PSORS1C1: variants seen among roughly 807,000 people sequenced by gnomAD.
PSORS1C1 encodes psoriasis susceptibility 1 candidate 1.
PSORS1C1 carries 7 observed loss-of-function variants against 9.4 expected under a neutral mutation model. The ratio of observed to expected loss-of-function variants is 0.75; its 90% CI spans 0.42 to 1.40. The LOEUF (loss-of-function observed/expected upper bound fraction) is 1.40, where lower values mean the gene tolerates loss of function less well. Ranked by LOEUF, PSORS1C1 falls within the 40% of genes most tolerant of loss-of-function variation. PSORS1C1 has a pLI of 0.01. For synonymous variants in PSORS1C1, 63 were observed against 69.4 expected (o/e 0.91, Z 0.46); for missense variants, 146 against 178.1 (o/e 0.82, Z 1.02).
chr6:31,136,488 A>G (rs1773143373), intron 3 of PSORS1C1, among the ~76,000 whole-genome samples: 1 of 151,940 alleles, frequency 6.6e-6, no homozygotes, highest in South Asian at 2.1e-4. Flanking sequence ...TGGGAAGGGC[A>G]CTCTGGTCAG....
chr6:31,139,729 G>C lies in PSORS1C1; in HGVS notation c.256G>C (p.Asp86His). 2 of 1,613,082 alleles carry C rather than the reference G, an allele frequency of 1.2e-6. No individual in the cohort carries two copies. Among genetic ancestry groups the C allele is most frequent in the African/African-American group, 2.7e-5 (2 of 75,038 alleles). Residue 86 changes from aspartate (D) to histidine (H), a missense_variant, in exon 6 of 6, where the codon GAT (aspartate) becomes CAT (histidine). Coordinates refer to ENST00000259881, the MANE Select transcript of PSORS1C1 (RefSeq NM_014068.3). The surrounding 1 kb of genome is among the most constrained non-coding windows in gnomAD (Gnocchi z 5.2). ...CTGCAGAAAAGGAAGGACACAGGAG[G>C]ATATCCTGGTTCCCTCTTCCCACCC... ...DDCRKGRTQE[D>H]ILVPSSHPEL... is the part of the protein sequence containing the mutation.
intron 1 of PSORS1C1, chr6:31,116,044 T>C (rs1325211965): frequency 1.2e-6 from 2 of 1,611,708 alleles, no homozygotes; most frequent in Non-Finnish European, 1.7e-6. Context: ...GTTGAGTAAC[T>C]CTCCTTGGGG....
Position 31,125,051 on chromosome 6 carries a change from G to T in PSORS1C1, c.-228-625G>T, listed in dbSNP as rs149124788. Among the ~76,000 whole-genome samples the T allele has an allele frequency of 1.6e-3, 247 of 152,270 alleles. 1 individual carries two copies. The highest frequency in any genetic ancestry group is 4.8e-3 in the African/African-American group (199 of 41,546). On this transcript the variant is annotated intron_variant, in intron 1 of 5. Coordinates refer to ENST00000259881, the MANE Select transcript of PSORS1C1 (RefSeq NM_014068.3). ...CACAGCTTTCCTCCTCTGGGGGCCT[G>T]AGAGTCAGGACAGAAGTTCTAGCAC...
chr6:31,133,433 G>C (rs866643908), intron 3 of PSORS1C1: 1 of 152,228 alleles, frequency 6.6e-6, no homozygotes, highest in Non-Finnish European at 1.5e-5. Context: ...CCTAGAGCTG[G>C]TGGTTCTGGC....
intron 1 of PSORS1C1, among the ~76,000 whole-genome samples, chr6:31,119,929 T>C (rs991550290): frequency 1.3e-5 from 2 of 152,000 alleles, no homozygotes; most frequent in African/African-American, 4.8e-5. Flanking sequence ...AAAATAAAAG[T>C]TCTAATATAT....
intron 1 of PSORS1C1, chr6:31,116,270 C>T (rs1255969349): frequency 6.2e-7 from 1 of 1,614,098 alleles, no homozygotes; most frequent in Non-Finnish European, 8.5e-7. Flanking sequence ...GACTTGCTGC[C>T]ACAAGGCTGA....
intron 3 of PSORS1C1, among the ~76,000 whole-genome samples, chr6:31,134,469 AT>A (rs539512611): frequency 1.0e-3 from 153 of 150,992 alleles, no homozygotes; most frequent in Middle Eastern, 6.8e-3. Context: ...TGCCCGGCTA[AT>A]TTTTTTTGTA....
chr6:31,117,553 T>C, intron 1 of PSORS1C1: 1 of 1,546,942 alleles, frequency 6.5e-7, no homozygotes. Context: ...CAGTGGTTAG[T>C]AAGGGCCAAG....
At chr6:31,130,093 A>C (rs1772839439) in intron 3 of PSORS1C1, among the ~76,000 whole-genome samples, 1 of 151,784 alleles carries the variant, frequency 6.6e-6, no homozygotes, top group Non-Finnish European at 1.5e-5. Flanking sequence ...ACCTGTCTCA[A>C]AAAATAAAAA....
chr6:31,130,541 A>C (rs1296240218), intron 3 of PSORS1C1, among the ~76,000 whole-genome samples: 3 of 151,894 alleles, frequency 2.0e-5, no homozygotes, highest in Non-Finnish European at 4.4e-5. Flanking sequence ...CCTCCCGAGT[A>C]GCTGGGACTA....
intron 2 of PSORS1C1, among the ~76,000 whole-genome samples, chr6:31,126,889 C>G (rs1415946960): frequency 6.6e-6 from 1 of 152,210 alleles, no homozygotes; most frequent in Non-Finnish European, 1.5e-5. Context: ...CCGTCACACC[C>G]TGAGGCCACC....
chr6:31,117,627 C>CTGCGCTCTGCTTGGGAG, intron 1 of PSORS1C1: 1 of 1,031,748 alleles, frequency 9.7e-7, no homozygotes, highest in Non-Finnish European at 1.5e-6. Context: ...GGGTTTCTCC[C>CTGCGCTCTGCTTGGGAG]AAGCAGAGCG....
At chr6:31,125,388 C>T (rs1235332109) in intron 1 of PSORS1C1, among the ~76,000 whole-genome samples, 5 of 152,162 alleles carry the variant, frequency 3.3e-5, no homozygotes, top group African/African-American at 1.2e-4. Context: ...TGGAAGCCAG[C>T]GCTCCTGGCC....
At chr6:31,127,008 T>G (rs756603748) in intron 2 of PSORS1C1, among the ~76,000 whole-genome samples, 5 of 152,192 alleles carry the variant, frequency 3.3e-5, no homozygotes, top group African/African-American at 9.7e-5. Flanking sequence ...AAAAGAGCTC[T>G]CCTTGTCTGC....
intron 1 of PSORS1C1, among the ~76,000 whole-genome samples, chr6:31,122,570 G>C (rs1452068101): frequency 1.3e-5 from 2 of 152,226 alleles, no homozygotes; most frequent in African/African-American, 4.8e-5. Context: ...GAGGCCAGGA[G>C]TTCGAGATCA....
intron 1 of PSORS1C1, among the ~76,000 whole-genome samples, chr6:31,124,804 C>T (rs778942573): frequency 5.3e-5 from 8 of 152,186 alleles, no homozygotes; most frequent in Non-Finnish European, 1.0e-4. Flanking sequence ...ACCATCTCTA[C>T]TAAAAATACA....
At chr6:31,138,073 G>A in intron 3 of PSORS1C1, 1 of 1,562,412 alleles carries the variant, frequency 6.4e-7, no homozygotes, top group Non-Finnish European at 8.6e-7. Flanking sequence ...GGGTCGTCAG[G>A]CCGGGGAGGT....
intron 1 of PSORS1C1, among the ~76,000 whole-genome samples, chr6:31,120,719 C>T (rs1423540900): frequency 2.0e-5 from 3 of 152,272 alleles, no homozygotes; most frequent in African/African-American, 7.2e-5. Flanking sequence ...ACCAGGCGCT[C>T]TGCCCCACGG....
intron 2 of PSORS1C1, among the ~76,000 whole-genome samples, chr6:31,126,484 G>T (rs17190589): frequency 2.6e-5 from 4 of 152,048 alleles, no homozygotes; most frequent in African/African-American, 9.7e-5. Flanking sequence ...TCCTGGTGTG[G>T]GCGGTGCTCG....
Sources: allele counts gnomAD v4.1 joint callset (sites outside exome capture counted in the v4.1 genomes callset), GRCh38; gene constraint gnomAD v4.1.1; non-coding constraint Gnocchi (gnomAD v3.1); transcripts MANE v1.5; gene names NCBI Gene and HGNC (gene_info 2026-07-23, HGNC 2026-07-21).